The following ST6GALNAC3 variants were observed in gnomAD, a reference collection of about 807,000 sequenced individuals.
ST6GALNAC3 encodes the protein alpha-N-acetylgalactosaminide alpha-2,6-sialyltransferase 3.
Under a neutral mutation model 32.7 loss-of-function variants are expected in ST6GALNAC3, and 25 were observed. The ratio of observed to expected loss-of-function variants is 0.76; its 90% confidence interval spans 0.56 to 1.07. The LOEUF (loss-of-function observed/expected upper bound fraction) is 1.07, where lower values mean the gene tolerates loss of function less well. ST6GALNAC3 is among the 50% of genes least tolerant of loss of function. The pLI, the probability that ST6GALNAC3 is intolerant of heterozygous loss-of-function variation, is 0.00. For missense variants in ST6GALNAC3, 355 were observed against 382.4 expected, an observed-to-expected ratio of 0.93 and a Z score of 0.60; for synonymous variants, 129 against 133.1, an observed-to-expected ratio of 0.97 and a Z score of 0.21.
chr1:76,578,990 T>C (rs1382218288), intron 3 of ST6GALNAC3, among the ~76,000 whole-genome samples: 1 of 152,044 alleles, frequency 6.6e-6, no homozygotes, highest in Non-Finnish European at 1.5e-5. Flanking sequence ...CTATTTTCAT[T>C]CTGTCGTGCT....
chr1:76,182,673 T>G (rs1024409365), intron 1 of ST6GALNAC3, among the ~76,000 whole-genome samples: 2 of 152,126 alleles, frequency 1.3e-5, no homozygotes, highest in South Asian at 2.1e-4. Flanking sequence ...TAGGCAGGTA[T>G]TTTTGAAAAT....
intron 3 of ST6GALNAC3, among the ~76,000 whole-genome samples, chr1:76,475,190 G>A (rs1659272676): frequency 6.6e-6 from 1 of 152,116 alleles, no homozygotes; most frequent in African/African-American, 2.4e-5. Flanking sequence ...AAAAGATAGT[G>A]TCTCTTTAAA....
intron 1 of ST6GALNAC3, among the ~76,000 whole-genome samples, chr1:76,179,084 C>T (rs749231380): frequency 3.9e-5 from 6 of 152,170 alleles, no homozygotes; most frequent in Non-Finnish European, 8.8e-5. Flanking sequence ...GGTACCAGAA[C>T]CTTTACTTTT....
At chr1:76,279,875 G>A (rs1218135115) in intron 1 of ST6GALNAC3, among the ~76,000 whole-genome samples, 2 of 152,156 alleles carry the variant, frequency 1.3e-5, no homozygotes, top group African/African-American at 4.8e-5. Flanking sequence ...GAGAAACAGC[G>A]CACAGATATA....
chr1:76,205,020 T>C (rs1654743189), intron 1 of ST6GALNAC3, among the ~76,000 whole-genome samples: 1 of 152,192 alleles, frequency 6.6e-6, no homozygotes. Flanking sequence ...TCCACTGCTG[T>C]TATTCCCAAC....
At chr1:76,304,020 A>G (rs564103316) in intron 1 of ST6GALNAC3, among the ~76,000 whole-genome samples, 31 of 152,136 alleles carry the variant, frequency 2.0e-4, no homozygotes, top group South Asian at 1.5e-3. Flanking sequence ...TTAAAGTGAG[A>G]TGAATTAAGA....
intron 3 of ST6GALNAC3, among the ~76,000 whole-genome samples, chr1:76,550,416 AT>A (rs1162417988): frequency 6.6e-6 from 1 of 152,066 alleles, no homozygotes; most frequent in Non-Finnish European, 1.5e-5. Flanking sequence ...TGAATGCTTC[AT>A]TTTTTGGTCA....
chr1:76,606,458 T>C (rs1332089091), intron 3 of ST6GALNAC3, among the ~76,000 whole-genome samples: 1 of 151,968 alleles, frequency 6.6e-6, no homozygotes, highest in African/African-American at 2.4e-5. Flanking sequence ...AGCAAACTAA[T>C]GCAGGAACAG....
chr1:76,383,443 T>TG (rs2101122849), intron 2 of ST6GALNAC3, among the ~76,000 whole-genome samples: 1 of 124,326 alleles, frequency 8.0e-6, no homozygotes, highest in South Asian at 2.5e-4. Context: ...GCTAATTAAT[T>TG]TTTTTTTTTT....
intron 3 of ST6GALNAC3, among the ~76,000 whole-genome samples, chr1:76,503,158 C>A (rs1187254018): frequency 6.6e-6 from 1 of 152,156 alleles, no homozygotes; most frequent in African/African-American, 2.4e-5. Context: ...AACTGGCTGG[C>A]CAGCACTGTC....
chr1:76,282,613 C>A (rs1440910449), intron 1 of ST6GALNAC3, among the ~76,000 whole-genome samples: 2 of 152,086 alleles, frequency 1.3e-5, no homozygotes, highest in African/African-American at 4.8e-5. Flanking sequence ...CAGGGATCAG[C>A]TTTATTGTGA....
At chr1:76,272,571 C>T (rs1446958135) in intron 1 of ST6GALNAC3, among the ~76,000 whole-genome samples, 4 of 152,176 alleles carry the variant, frequency 2.6e-5, no homozygotes, top group African/African-American at 9.7e-5. Flanking sequence ...GAACCATGAA[C>T]AGCTTTTCCT....
At chr1:76,472,212 C>A (rs1427130023) in intron 3 of ST6GALNAC3, among the ~76,000 whole-genome samples, 1 of 152,112 alleles carries the variant, frequency 6.6e-6, no homozygotes, top group Non-Finnish European at 1.5e-5. Flanking sequence ...GATTCATTTA[C>A]TTGATCTCAT....
At chr1:76,101,766 T>C (rs1234720203) in intron 1 of ST6GALNAC3, among the ~76,000 whole-genome samples, 1 of 152,182 alleles carries the variant, frequency 6.6e-6, no homozygotes, top group Non-Finnish European at 1.5e-5. Flanking sequence ...TTAAGAGCAG[T>C]TTCTAATTTC....
At chr1:76,225,591 G>T (rs1656021413) in intron 1 of ST6GALNAC3, among the ~76,000 whole-genome samples, 2 of 152,232 alleles carry the variant, frequency 1.3e-5, no homozygotes, top group South Asian at 4.1e-4. Context: ...TCAGGAGCTG[G>T]CTTCTAACCT....
chr1:76,424,320 T>C (rs1340932890), intron 3 of ST6GALNAC3, among the ~76,000 whole-genome samples: 1 of 151,880 alleles, frequency 6.6e-6, no homozygotes, highest in African/African-American at 2.4e-5. Context: ...TTGGCAGTTC[T>C]GTCATCTGGA....
chr1:76,328,032 A>G (rs113522772), intron 2 of ST6GALNAC3, among the ~76,000 whole-genome samples: 2,093 of 152,334 alleles, frequency 0.014, 44 homozygotes, highest in African/African-American at 0.048. Context: ...ATACAAAATT[A>G]TTATCCCATA....
chr1:76,574,716 A>C (rs948246938), intron 3 of ST6GALNAC3, among the ~76,000 whole-genome samples: 1 of 152,132 alleles, frequency 6.6e-6, no homozygotes, highest in Admixed American at 6.6e-5. Flanking sequence ...TCAAATTGCC[A>C]GAAAGAGCCC....
chr1:76,291,991 A>G (rs1428015817), intron 1 of ST6GALNAC3, among the ~76,000 whole-genome samples: 1 of 152,218 alleles, frequency 6.6e-6, no homozygotes, highest in African/African-American at 2.4e-5. Context: ...TGCAGCCTTA[A>G]ATTGAATAAG....
Sources: allele counts gnomAD v4.1 joint callset (sites outside exome capture counted in the v4.1 genomes callset), GRCh38; gene constraint gnomAD v4.1.1; transcripts MANE v1.5; gene names NCBI Gene and HGNC (gene_info 2026-07-23, HGNC 2026-07-21).